KDM4B: variants seen among roughly 807,000 people sequenced by gnomAD.
KDM4B encodes lysine demethylase 4B.
KDM4B carries 32 observed loss-of-function variants against 125.2 expected under a neutral mutation model. The ratio of observed to expected loss-of-function variants is 0.26; its 90% confidence interval spans 0.19 to 0.34. The LOEUF (loss-of-function observed/expected upper bound fraction) is 0.34, where lower values mean the gene tolerates loss of function less well. KDM4B is among the 10% of genes least tolerant of loss of function. KDM4B has a pLI of 1.00. For missense variants in KDM4B, 1,190 were observed against 1,577.7 expected (o/e 0.75, Z 4.16); for synonymous variants, 721 against 677.9 (o/e 1.06, Z -0.99).
At chr19:5,137,183 G>T (rs1331190214) in intron 15 of KDM4B, 79 bp from the exon 16 acceptor site, 80 of 984,684 alleles carry the variant, frequency 8.1e-5, no homozygotes, top group Non-Finnish European at 1.2e-4. Context: ...AAGTTACCCG[G>T]CCCCTCCCCC....
chr19:5,131,739 C>G, intron 12 of KDM4B, 148 bp from the exon 13 acceptor site: 1 of 852,196 alleles, frequency 1.2e-6, no homozygotes, highest in South Asian at 1.7e-5. Context: ...ACTTAGAGAA[C>G]AGAGGAGCCC....
intron 2 of KDM4B, among the ~76,000 whole-genome samples, chr19:5,019,075 C>T (rs2035981039): frequency 1.1e-5 from 1 of 87,082 alleles, no homozygotes; most frequent in African/African-American, 3.4e-5. Flanking sequence ...CGTTGGTGTG[C>T]AGGTGCTGGT....
intron 9 of KDM4B, among the ~76,000 whole-genome samples, chr19:5,098,615 CATCTGTT>C (rs2038873172): frequency 6.6e-6 from 1 of 152,140 alleles, no homozygotes; most frequent in African/African-American, 2.4e-5. Context: ...CCCTCAGAGT[CATCTGTT>C]GAGTGCTCAT....
At chr19:5,118,073 G>A (rs1039956306) in intron 10 of KDM4B, among the ~76,000 whole-genome samples, 4 of 152,188 alleles carry the variant, frequency 2.6e-5, no homozygotes, top group African/African-American at 9.6e-5. Flanking sequence ...AGCATGGGCT[G>A]CTGCTGGCCC....
chr19:5,095,381 A>G (rs917704433), intron 9 of KDM4B, among the ~76,000 whole-genome samples: 1 of 152,202 alleles, frequency 6.6e-6, no homozygotes, highest in African/African-American at 2.4e-5. Flanking sequence ...ACTGTTTTAC[A>G]TGAGCAGACT....
chr19:5,116,860 G>A (rs1263159837), intron 10 of KDM4B, among the ~76,000 whole-genome samples: 1 of 152,182 alleles, frequency 6.6e-6, no homozygotes, highest in Admixed American at 6.5e-5. Flanking sequence ...AGAAGGGGAC[G>A]GTCATGGAGG....
At chr19:4,984,346 CT>C (rs1178034900) in intron 1 of KDM4B, among the ~76,000 whole-genome samples, 2 of 152,222 alleles carry the variant, frequency 1.3e-5, no homozygotes, top group Non-Finnish European at 2.9e-5. Context: ...AGGGTTTATG[CT>C]GCTCTTCGTG....
At chr19:5,049,006 G>A (rs1198948054) in intron 6 of KDM4B, among the ~76,000 whole-genome samples, 1 of 152,192 alleles carries the variant, frequency 6.6e-6, no homozygotes, top group Admixed American at 6.5e-5. Context: ...CCTGTGAGGG[G>A]CCCCGGGGGT....
chr19:4,970,216 G>C (rs1052027095), intron 1 of KDM4B, among the ~76,000 whole-genome samples: 4 of 152,228 alleles, frequency 2.6e-5, no homozygotes, highest in African/African-American at 9.6e-5. Context: ...TTCCGCCCCT[G>C]GGGGCAGTGG....
intron 6 of KDM4B, among the ~76,000 whole-genome samples, chr19:5,060,965 A>C (rs1302167017): frequency 6.6e-6 from 1 of 152,238 alleles, no homozygotes; most frequent in Non-Finnish European, 1.5e-5. Flanking sequence ...TCTGGCCTTT[A>C]ATTGCAGGCG....
chr19:4,981,256 CT>C (rs1481699801), intron 1 of KDM4B, among the ~76,000 whole-genome samples: 1 of 152,212 alleles, frequency 6.6e-6, no homozygotes, highest in African/African-American at 2.4e-5. Flanking sequence ...AAGGTCACCC[CT>C]GGTGAGCAGG....
Position 5,082,579 on chromosome 19 carries a change from C to A in KDM4B, c.918+75C>A. 1 of 1,469,088 alleles carries A rather than the reference C, an allele frequency of 6.8e-7. No individual in the cohort carries two copies. Among genetic ancestry groups the A allele is most frequent in the Non-Finnish European group, 9.1e-7 (1 of 1,101,242 alleles). The allele number at this position is 1,469,088 out of a possible 1,614,324, so 91.0% of individuals were successfully genotyped here. A position where few individuals can be genotyped will look rare whatever the true frequency, so the allele number is the denominator to read the frequency against. On this transcript the variant is annotated intron_variant, in intron 9 of 22. Coordinates refer to ENST00000159111, the MANE Select transcript of KDM4B (RefSeq NM_015015.3). The surrounding 1 kb of genome is among the most constrained non-coding windows in gnomAD (Gnocchi z 5.4). ...CTTTTTTGCCTCTGCAGCCACACGC[C>A]CATAGCTGGTCCAGCAGCCGTTTCG... is the stretch of plus-strand genomic sequence containing the variant.
rs1414724732 is a variant in KDM4B at position 5,082,929 on chromosome 19, G to C, written c.918+425G>C. On this transcript the variant is annotated intron_variant, in intron 9 of 22. Coordinates refer to ENST00000159111, the MANE Select transcript of KDM4B (RefSeq NM_015015.3). This position sits in a 1 kb window ranked among gnomAD's most constrained non-coding sequence, Gnocchi z 5.4. Reference sequence around the variant, plus strand: ...GGTTGTTTGCTGACATCTCTCTCCTGGGGGCCGCTTGGCCAGGCAGGAGCC... The same window carrying C: ...GGTTGTTTGCTGACATCTCTCTCCTCGGGGCCGCTTGGCCAGGCAGGAGCC... Among the ~76,000 whole-genome samples, 1 of 152,134 alleles carries C rather than the reference G, an allele frequency of 6.6e-6. No homozygotes were observed.
In KDM4B at chr19:5,111,518, G is replaced by A. The variant is rs2613737; in HGVS notation, c.1115+700G>A. The A allele has an allele frequency of 1.0e-4, 77 of 765,068 alleles. 1 individual carries two copies. Among genetic ancestry groups the A allele is most frequent in the Admixed American group, 5.6e-4 (33 of 59,008 alleles). 47.4% of individuals were successfully genotyped at this position (765,068 alleles called of 1,614,324 possible). A position where few individuals can be genotyped will look rare whatever the true frequency, so the allele number is the denominator to read the frequency against. On this transcript the variant is annotated intron_variant, in intron 10 of 22. Coordinates refer to ENST00000159111, the MANE Select transcript of KDM4B (RefSeq NM_015015.3). ...ACGGAGGCAGGTCCCGGCCTAGGAGGAGATCCACTTCATGCCCAGAGTGAA... is the reference window on the plus strand; with the variant it reads ...ACGGAGGCAGGTCCCGGCCTAGGAGAAGATCCACTTCATGCCCAGAGTGAA...
At chr19:5,120,103 T>A (rs1195750561) in intron 11 of KDM4B, among the ~76,000 whole-genome samples, 1 of 152,168 alleles carries the variant, frequency 6.6e-6, no homozygotes, top group Non-Finnish European at 1.5e-5. Context: ...CCACCTGTAA[T>A]CCTAGCACTT....
rs990019135 is a variant in KDM4B, at chr19:4,983,247, C to A, written c.-109+14017C>A. Among the ~76,000 whole-genome samples the A allele has an allele frequency of 2.0e-5, 3 of 151,412 alleles. No homozygotes were observed. In the East Asian group the frequency reaches 5.8e-4, roughly 29 times the overall value. On this transcript the variant is annotated intron_variant, in intron 1 of 22. Coordinates refer to ENST00000159111, the MANE Select transcript of KDM4B (RefSeq NM_015015.3). Reference sequence around the variant, plus strand: ...GGGCCCTGGCCCCGGATGCACTGAGCGTGATGCCAGCCTGGTGCTATAGAT... The same window carrying A: ...GGGCCCTGGCCCCGGATGCACTGAGAGTGATGCCAGCCTGGTGCTATAGAT...
intron 2 of KDM4B, among the ~76,000 whole-genome samples, chr19:5,032,265 C>T (rs1568241324): frequency 1.3e-5 from 2 of 152,180 alleles, no homozygotes; most frequent in Non-Finnish European, 2.9e-5. Context: ...TTATGACCCG[C>T]GTGACTCTGG....
chr19:4,988,945 G>A (rs2034939234), intron 1 of KDM4B, among the ~76,000 whole-genome samples: 1 of 152,192 alleles, frequency 6.6e-6, no homozygotes, highest in Non-Finnish European at 1.5e-5. Context: ...TATTCCCTCA[G>A]CTCCCGAGGG....
At position 5,047,670 on chromosome 19, in the gene KDM4B, G is replaced by C; in HGVS notation, c.626+1G>C. The stretch of plus-strand genomic sequence containing the variant: ...TGCACTTTGGGGAGCCTAAGTCCTG[G>C]TGAGTGTCTGCACTGGCCCTGCCGC... On this transcript the variant is annotated splice_donor_variant, in intron 6 of 22. Transcript: ENST00000159111. LOFTEE classifies it high-confidence loss of function. 6.2e-7 allele frequency: 1 copy of C among 1,613,534 alleles called. No homozygotes were observed. Among genetic ancestry groups the C allele is most frequent in the South Asian group, 1.1e-5 (1 of 91,066 alleles).
Sources: allele counts gnomAD v4.1 joint callset (sites outside exome capture counted in the v4.1 genomes callset), GRCh38; gene constraint gnomAD v4.1.1; non-coding constraint Gnocchi (gnomAD v3.1); transcripts MANE v1.5; gene names NCBI Gene and HGNC (gene_info 2026-07-23, HGNC 2026-07-21).